ZNF721: variants seen among roughly 807,000 people sequenced by gnomAD.
ZNF721 encodes zinc finger protein 721.
A neutral mutation model predicts 2.4 loss-of-function variants in ZNF721; 2 were observed. The ratio of observed to expected loss-of-function variants is 0.82; its 90% confidence interval spans 0.34 to 2.58. The LOEUF (loss-of-function observed/expected upper bound fraction) is 2.58. Among genes scored for constraint, ZNF721 ranks in the 30% most tolerant of loss-of-function variants. The probability of loss-of-function intolerance (pLI) is 0.11; values close to 1 mark genes in which losing one functional copy is unlikely to be tolerated. For synonymous variants in ZNF721, 398 were observed against 381.8 expected, an observed-to-expected ratio of 1.04 and a Z score of -0.50; for missense variants, 1,187 against 1,085.5, an observed-to-expected ratio of 1.09 and a Z score of -1.31.
intron 1 of ZNF721, chr4:474,091 G>T: frequency 7.5e-7 from 1 of 1,340,550 alleles, no homozygotes; most frequent in Middle Eastern, 2.0e-4. Flanking sequence ...AGGCCTCCCT[G>T]AGGTGTGGAA....
At chr4:485,613 GCAGA>G (rs1480843384) in intron 1 of ZNF721, among the ~76,000 whole-genome samples, 1 of 152,220 alleles carries the variant, frequency 6.6e-6, no homozygotes, top group Non-Finnish European at 1.5e-5. Flanking sequence ...TTGGTTTACA[GCAGA>G]CATTTGGGAG....
At chr4:458,928 G>C (rs1461346951) in intron 2 of ZNF721, among the ~76,000 whole-genome samples, 1 of 152,108 alleles carries the variant, frequency 6.6e-6, no homozygotes, top group Non-Finnish European at 1.5e-5. Flanking sequence ...ACCCACAAAG[G>C]GAAGCCCATC....
chr4:444,220 A>C lies in ZNF721; in HGVS notation c.247T>G (p.Cys83Gly). 1.2e-6 allele frequency: 2 copies of C among 1,613,636 alleles called. No homozygotes were observed. Among genetic ancestry groups the C allele is most frequent in the Non-Finnish European group, 1.7e-6 (2 of 1,179,706 alleles). ...CTAAAAACTTTGACACGTGCATTAC[A>C]TTGAAATATTTTGCTCTGAGTATTT... ...LSNTQSKIFQ[C>G]NARVKVFSKF... The change falls in exon 3 of 3, where the codon TGT (cysteine) becomes GGT (glycine). Residue 83 changes from cysteine (C) to glycine (G), a missense_variant. Coordinates refer to ENST00000511833, the MANE Select transcript of ZNF721 (RefSeq NM_133474.4).
chr4:444,201 A>C lies in ZNF721; in HGVS notation c.266T>G (p.Val89Gly). 1 of 1,613,742 alleles carries C rather than the reference A, an allele frequency of 6.2e-7. No homozygotes were observed. Among genetic ancestry groups the C allele is most frequent in the Non-Finnish European group, 8.5e-7 (1 of 1,179,750 alleles). The change falls in exon 3 of 3, where the codon GTT (valine) becomes GGT (glycine). Residue 89 changes from valine (V) to glycine (G), a missense_variant. Val to Gly is a moderately radical substitution (Grantham distance 109). Transcript: ENST00000511833. ...GTTTGAATTTGCAAATTTACTAAAA[A>C]CTTTGACACGTGCATTACATTGAAA... ...KIFQCNARVK[V>G]FSKFANSNKD...
chr4:454,470 C>T lies in ZNF721; in HGVS notation c.35-10038G>A, dbSNP rs142835883. On this transcript the variant is annotated intron_variant, in intron 2 of 2. Transcript: ENST00000511833. Reference sequence around the variant, plus strand: ...ACTGAATGGCATTAGATATGCTTACCGCAGCCCAAGGAGGGGTTTGAGCCT... The same window carrying T: ...ACTGAATGGCATTAGATATGCTTACTGCAGCCCAAGGAGGGGTTTGAGCCT... Among the ~76,000 whole-genome samples the T allele has an allele frequency of 4.8e-3, 736 of 152,268 alleles. 2 individuals are homozygous for T. The highest frequency in any genetic ancestry group is 5.9e-3 in the Non-Finnish European group (400 of 68,020).
chr4:493,653 T>C (rs185287872), intron 1 of ZNF721, among the ~76,000 whole-genome samples: 80 of 143,338 alleles, frequency 5.6e-4, no homozygotes, highest in Middle Eastern at 7.3e-3. Context: ...CACTCCAGTC[T>C]GGGCAACAGA....
intron 1 of ZNF721, among the ~76,000 whole-genome samples, chr4:494,336 C>G (rs959010401): frequency 6.7e-6 from 1 of 150,246 alleles, no homozygotes; most frequent in African/African-American, 2.4e-5. Context: ...CGCCCGCCAC[C>G]ATGCCCATCT....
At chr4:454,127 T>C (rs1553865136) in intron 2 of ZNF721, 1 of 152,236 alleles carries the variant, frequency 6.6e-6, no homozygotes, top group Non-Finnish European at 1.5e-5. Context: ...TAGTACACTA[T>C]GATTACAGTA....
intron 1 of ZNF721, among the ~76,000 whole-genome samples, chr4:494,239 T>C (rs952800793): frequency 1.3e-5 from 2 of 151,482 alleles, no homozygotes; most frequent in African/African-American, 4.9e-5. Flanking sequence ...TGGAGTGCAG[T>C]GGCGCCATGT....
At chr4:449,956 G>A (rs1340514576) in intron 2 of ZNF721, among the ~76,000 whole-genome samples, 1 of 152,110 alleles carries the variant, frequency 6.6e-6, no homozygotes, top group Non-Finnish European at 1.5e-5. Flanking sequence ...TTGTAAGTTA[G>A]TAGAGCCATT....
intron 1 of ZNF721, among the ~76,000 whole-genome samples, chr4:479,421 T>C (rs1325633099): frequency 1.3e-5 from 2 of 152,218 alleles, no homozygotes; most frequent in East Asian, 1.9e-4. Context: ...ATTCTCATGG[T>C]TGGGCACATG....
chr4:443,780 G>T lies in ZNF721; in HGVS notation c.687C>A (p.Ala229=). The T allele has an allele frequency of 4.3e-6, 7 of 1,613,750 alleles. No individual in the cohort carries two copies. The African/African-American group carries it at 6.7e-5, about 15-fold the overall frequency. ...TATTCAGGTGTGAGGAATGCATAAA[G>T]GCTTTCCCACATTCTTTACATTTGT... is the stretch of plus-strand genomic sequence containing the variant. ...KPYKCKECGK[A]FMHSSHLNKH... The change falls in exon 3 of 3, where the codon GCC becomes GCA. Residue 229 remains alanine, a synonymous_variant. Coordinates refer to ENST00000511833, the MANE Select transcript of ZNF721 (RefSeq NM_133474.4).
At chr4:478,277 T>C (rs531465381) in intron 1 of ZNF721, among the ~76,000 whole-genome samples, 1 of 152,288 alleles carries the variant, frequency 6.6e-6, no homozygotes, top group African/African-American at 2.4e-5. Flanking sequence ...CATTCTACTT[T>C]CTGTTTTTAT....
chr4:465,519 C>T (rs142849545), intron 2 of ZNF721, among the ~76,000 whole-genome samples: 1,876 of 151,584 alleles, frequency 0.012, 33 homozygotes, highest in South Asian at 0.067. Context: ...GCAAGCTCCG[C>T]GCCCTGGGTT....
chr4:475,777 A>T (rs1715609818), intron 1 of ZNF721, among the ~76,000 whole-genome samples: 1 of 151,862 alleles, frequency 6.6e-6, no homozygotes, highest in Non-Finnish European at 1.5e-5. Flanking sequence ...AGACCTCACT[A>T]TACCAAAGCT....
chr4:484,705 C>A (rs2108720157), intron 1 of ZNF721, among the ~76,000 whole-genome samples: 1 of 152,320 alleles, frequency 6.6e-6, no homozygotes, highest in East Asian at 1.9e-4. Context: ...ACCGGTTGAT[C>A]TCAAAACCCT....
chr4:494,387 C>A (rs1387674125), intron 1 of ZNF721, among the ~76,000 whole-genome samples: 1 of 151,876 alleles, frequency 6.6e-6, no homozygotes, highest in Non-Finnish European at 1.5e-5. Context: ...GGGGTTTCAC[C>A]ATGTTAGCCA....
intron 1 of ZNF721, among the ~76,000 whole-genome samples, chr4:497,669 A>G (rs1560249716): frequency 6.6e-6 from 1 of 150,874 alleles, no homozygotes; most frequent in Non-Finnish European, 1.5e-5. Flanking sequence ...CGGGCGGATC[A>G]CGAGGTCAGG....
At chr4:490,469 A>AAAAAAT (rs1181046582) in intron 1 of ZNF721, among the ~76,000 whole-genome samples, 70 of 152,122 alleles carry the variant, frequency 4.6e-4, no homozygotes, top group African/African-American at 1.7e-3. Context: ...ACCCGTCTCA[A>AAAAAAT]AAAAATAAAA....
Sources: allele counts gnomAD v4.1 joint callset (sites outside exome capture counted in the v4.1 genomes callset), GRCh38; gene constraint gnomAD v4.1.1; transcripts MANE v1.5; gene names NCBI Gene and HGNC (gene_info 2026-07-23, HGNC 2026-07-21).